PEAK1: variants seen among roughly 807,000 people sequenced by gnomAD.
PEAK1 encodes pseudopodium enriched atypical kinase 1.
A neutral mutation model predicts 124.7 loss-of-function variants in PEAK1; 54 were observed. That is an observed-to-expected ratio of 0.43 (90% CI 0.35 to 0.54). The LOEUF is 0.54. Among genes scored for constraint, PEAK1 ranks in the 20% least tolerant of loss-of-function variants. The pLI is 0.01. For missense variants in PEAK1, 2,046 were observed against 2,134.5 expected (o/e 0.96, Z 0.82); for synonymous variants, 719 against 760.0 (o/e 0.95, Z 0.89).
intron 5 of PEAK1, among the ~76,000 whole-genome samples, chr15:77,253,085 T>A (rs995515850): frequency 3.3e-5 from 5 of 152,136 alleles, no homozygotes; most frequent in African/African-American, 1.2e-4. Context: ...CTTATACATG[T>A]TCAAAACTGA....
Position 77,135,742 on chromosome 15 carries a change from TTC to T in PEAK1, c.3332-1994_3332-1993del, listed in dbSNP as rs908919426. ...AAAAAGAGGAGTTCCCCTGCACACG[TTC>T]TCTCTCTTTGCCTGCTGCCATCCAC... On this transcript the variant is annotated intron_variant, in intron 8 of 9. Coordinates refer to ENST00000682557, the MANE Select transcript of PEAK1 (RefSeq NM_001385026.1). Among the ~76,000 whole-genome samples, 16 of 152,266 alleles carry T rather than the reference TTC, an allele frequency of 1.1e-4. 1 individual carries two copies. The highest frequency in any genetic ancestry group is 1.0e-3 in the Admixed American group (16 of 15,302).
intron 2 of PEAK1, among the ~76,000 whole-genome samples, chr15:77,363,641 G>T (rs1382466398): frequency 1.3e-5 from 2 of 152,224 alleles, no homozygotes; most frequent in Admixed American, 6.5e-5. Context: ...TCCTAATTCG[G>T]TAAGTGATTA....
Position 77,290,515 on chromosome 15 carries a change from A to T in PEAK1, c.-602-4011T>A, listed in dbSNP as rs141497966. ...TGATACACCCGCTTCAGCCTCCCAA[A>T]GTGCTGGGATTACAGGCATAAGCCA... On this transcript the variant is annotated intron_variant, in intron 2 of 9. Transcript: ENST00000682557. 4.8e-3 allele frequency among the ~76,000 whole-genome samples: 723 copies of T among 151,954 alleles called. 4 individuals are homozygous for T. Among genetic ancestry groups the T allele is most frequent in the African/African-American group, 0.016 (669 of 41,460 alleles).
chr15:77,248,267 C>A (rs1236819328), intron 6 of PEAK1, among the ~76,000 whole-genome samples: 1 of 151,924 alleles, frequency 6.6e-6, no homozygotes, highest in East Asian at 1.9e-4. Context: ...CTTAGCTGTA[C>A]CACTAAATAG....
chr15:77,350,043 G>T, intron 2 of PEAK1: 2 of 985,290 alleles, frequency 2.0e-6, no homozygotes, highest in Non-Finnish European at 2.4e-6. Flanking sequence ...AGGAAGTCAG[G>T]GCTCAGCCAC....
At chr15:77,272,364 G>C (rs1567196428) in intron 5 of PEAK1, among the ~76,000 whole-genome samples, 1 of 152,134 alleles carries the variant, frequency 6.6e-6, no homozygotes. Flanking sequence ...TAGACCATTA[G>C]TGAGATTAAC....
chr15:77,262,074 C>A (rs974288002), intron 5 of PEAK1, among the ~76,000 whole-genome samples: 4 of 152,152 alleles, frequency 2.6e-5, no homozygotes, highest in Non-Finnish European at 5.9e-5. Context: ...GATTTTGTCA[C>A]TACCAGGCCT....
At chr15:77,240,938 A>C (rs963082849) in intron 6 of PEAK1, among the ~76,000 whole-genome samples, 2 of 152,192 alleles carry the variant, frequency 1.3e-5, no homozygotes, top group Non-Finnish European at 1.5e-5. Context: ...TATACTTCCC[A>C]TTCATTTTAT....
At chr15:77,317,450 C>T (rs1463991527) in intron 2 of PEAK1, among the ~76,000 whole-genome samples, 2 of 152,082 alleles carry the variant, frequency 1.3e-5, no homozygotes, top group African/African-American at 2.4e-5. Flanking sequence ...GTACCTTGCA[C>T]ATTTATTTTT....
intron 2 of PEAK1, among the ~76,000 whole-genome samples, chr15:77,358,438 C>T (rs2067664788): frequency 6.6e-6 from 1 of 152,212 alleles, no homozygotes; most frequent in Non-Finnish European, 1.5e-5. Flanking sequence ...ACCAATCTTA[C>T]TAAGGTCACT....
intron 8 of PEAK1, among the ~76,000 whole-genome samples, chr15:77,134,494 C>T (rs919625140): frequency 2.6e-5 from 4 of 152,156 alleles, no homozygotes; most frequent in African/African-American, 4.8e-5. Context: ...TGGGCATATA[C>T]ATTGTGATTT....
rs202221569 is a variant in PEAK1 at position 77,179,301 on chromosome 15, T to C, written c.2626A>G (p.Thr876Ala). The C allele has an allele frequency of 4.5e-5, 72 of 1,613,702 alleles. No homozygotes were observed. In the African/African-American group the frequency reaches 8.6e-4, roughly 19 times the overall value. The change falls in exon 7 of 10, where the codon ACT (threonine) becomes GCT (alanine). Residue 876 changes from threonine (T) to alanine (A), a missense_variant. Physicochemically the swap from Thr to Ala is moderately conservative, Grantham distance 58 (BLOSUM62 0). Coordinates refer to ENST00000682557, the MANE Select transcript of PEAK1 (RefSeq NM_001385026.1). Reference protein sequence around the residue: ...PPAPFPPPRSTSSPYHAGNLL... With the variant: ...PPAPFPPPRSASSPYHAGNLL... The stretch of plus-strand genomic sequence containing the variant: ...TTACCTGCATGGTAAGGAGAAGAAG[T>C]AGAGCGTGGCGGGGGAAAGGGAGCT...
At chr15:77,403,764 G>A in intron 1 of PEAK1, 1 of 971,462 alleles carries the variant, frequency 1.0e-6, no homozygotes, top group Non-Finnish European at 1.2e-6. Context: ...AGATGTTAAG[G>A]AATATTTTTC....
chr15:77,295,514 A>T (rs180700127), intron 2 of PEAK1, among the ~76,000 whole-genome samples: 1 of 152,286 alleles, frequency 6.6e-6, no homozygotes, highest in East Asian at 1.9e-4. Flanking sequence ...TTATTAATAA[A>T]GCCTCATCAT....
intron 5 of PEAK1, among the ~76,000 whole-genome samples, chr15:77,258,667 G>A (rs555390107): frequency 6.6e-6 from 1 of 152,282 alleles, no homozygotes; most frequent in African/African-American, 2.4e-5. Flanking sequence ...CATGTCATCT[G>A]CAAACAGGGA....
chr15:77,397,448 T>C (rs933910483), intron 1 of PEAK1, among the ~76,000 whole-genome samples: 2 of 148,516 alleles, frequency 1.3e-5, no homozygotes, highest in Non-Finnish European at 3.0e-5. Context: ...GAAGAAATAA[T>C]AAAGATCAGA....
rs772264315 is a variant in PEAK1 at position 77,181,394 on chromosome 15, C to T, written c.533G>A (p.Gly178Glu). Residue 178 changes from glycine (G) to glutamate (E), a missense_variant, in exon 7 of 10, where the codon GGA becomes GAA. Coordinates refer to ENST00000682557, the MANE Select transcript of PEAK1 (RefSeq NM_001385026.1). Reference protein sequence around the residue: ...NETNSRETFLGRINDCYKRSL... With the variant: ...NETNSRETFLERINDCYKRSL... ...TCGTTTATAGCAATCATTTATTCTT[C>T]CCAAGAATGTTTCTCTGGAGTTTGT... The T allele has an allele frequency of 1.2e-6, 2 of 1,614,122 alleles. No homozygotes were observed. The highest frequency in any genetic ancestry group is 1.7e-6 in the Non-Finnish European group (2 of 1,179,998).
intron 6 of PEAK1, among the ~76,000 whole-genome samples, 183 bp downstream of exon 6, chr15:77,252,184 G>A (rs117802092): frequency 0.01 from 1,588 of 152,166 alleles, 17 homozygotes; most frequent in Middle Eastern, 0.041. Context: ...TTATAACTAG[G>A]GGAAAAAATT....
At chr15:77,373,960 CTG>C (rs1342374584) in intron 1 of PEAK1, among the ~76,000 whole-genome samples, 1 of 152,138 alleles carries the variant, frequency 6.6e-6, no homozygotes, top group Non-Finnish European at 1.5e-5. Context: ...TGTCTATTCT[CTG>C]TGTTTGCCTT....
Sources: gnomAD v4.1 joint callset for allele counts (sites outside exome capture counted in the v4.1 genomes callset) on GRCh38, gnomAD v4.1.1 for gene constraint, MANE v1.5 for transcripts, NCBI Gene and HGNC (gene_info 2026-07-23, HGNC 2026-07-21) for gene names.